Variants in FMN2 observed in about 807,000 individuals in gnomAD.
The protein encoded by FMN2 is formin-2.
Under a neutral mutation model 142.3 loss-of-function variants are expected in FMN2, and 51 were observed. That is an observed-to-expected ratio of 0.36 (90% CI 0.29 to 0.45). FMN2 has a LOEUF of 0.45. Ranked by LOEUF, FMN2 falls within the 20% of genes least tolerant of loss-of-function variation. FMN2 has a pLI of 1.00. For synonymous variants in FMN2, 882 were observed against 869.8 expected, an observed-to-expected ratio of 1.01 and a Z score of -0.25; for missense variants, 1,936 against 2,122.8, an observed-to-expected ratio of 0.91 and a Z score of 1.73.
chr1:240,264,920 A>G (rs1350399335), intron 7 of FMN2, among the ~76,000 whole-genome samples: 2 of 152,078 alleles, frequency 1.3e-5, no homozygotes, highest in Admixed American at 6.6e-5. Context: ...AGAAGAGGGG[A>G]GTTAATTCCC....
chr1:240,238,141 A>G (rs143814139), intron 6 of FMN2, among the ~76,000 whole-genome samples: 2 of 152,296 alleles, frequency 1.3e-5, no homozygotes, highest in East Asian at 3.9e-4. Context: ...GAAAATTCAA[A>G]TTTACTTTTA....
At position 240,437,292 on chromosome 1, in the gene FMN2, CTTTTTTTT is replaced by C. The variant is rs10649766; in HGVS notation, c.4911-757_4911-750del. ...TAGGAGACTTTGTCAGCATCTCTTG[CTTTTTTTT>C]TTTTTTTTTTTGAGACGGAGTCTGG... is the stretch of plus-strand genomic sequence containing the variant. On this transcript the variant is annotated intron_variant, in intron 15 of 17. Coordinates refer to ENST00000319653, the MANE Select transcript of FMN2 (RefSeq NM_020066.5). Among the ~76,000 whole-genome samples, 237 of 117,382 alleles carry C rather than the reference CTTTTTTTT, an allele frequency of 2.0e-3. 1 individual carries two copies. Among genetic ancestry groups the C allele is most frequent in the African/African-American group, 7.8e-3 (227 of 28,996 alleles). 77.0% of individuals were successfully genotyped at this position (117,382 alleles called of 152,430 possible).
At chr1:240,420,029 C>T (rs1256276818) in intron 15 of FMN2, among the ~76,000 whole-genome samples, 1 of 152,104 alleles carries the variant, frequency 6.6e-6, no homozygotes, top group East Asian at 1.9e-4. Context: ...ATTGTGGTAC[C>T]CGGGCTTCTG....
intron 15 of FMN2, among the ~76,000 whole-genome samples, chr1:240,428,446 C>G (rs1262301024): frequency 6.6e-6 from 1 of 151,656 alleles, no homozygotes; most frequent in Non-Finnish European, 1.5e-5. Context: ...AGGCTGGTCT[C>G]AAACTCCTGG....
chr1:240,280,959 A>G (rs1465459190), intron 7 of FMN2, among the ~76,000 whole-genome samples: 1 of 152,210 alleles, frequency 6.6e-6, no homozygotes, highest in Admixed American at 6.5e-5. Flanking sequence ...GTTTGCATTT[A>G]AAGATTTTAT....
chr1:240,225,428 A>G (rs1327951140), intron 6 of FMN2, among the ~76,000 whole-genome samples: 2 of 152,220 alleles, frequency 1.3e-5, no homozygotes. Flanking sequence ...ACCCATAGGT[A>G]GCCAGGCTGA....
intron 2 of FMN2, among the ~76,000 whole-genome samples, chr1:240,127,021 C>A (rs997945766): frequency 6.6e-6 from 1 of 151,642 alleles, no homozygotes; most frequent in Non-Finnish European, 1.5e-5. Flanking sequence ...TGGAGGAGCA[C>A]AGACATGACT....
Position 240,093,200 on chromosome 1 carries a change from A to G in FMN2, c.1091A>G (p.Glu364Gly). ...GATGCGCCCCGGGGCTCTCCGGGGG[A>G]GGAGTGGGCCCCGGAGGTGGGAGAG... ...FEDAPRGSPG[E>G]EWAPEVGEDA... Residue 364 changes from glutamate (E) to glycine (G), a missense_variant, in exon 1 of 18, where the codon GAG (glutamate) becomes GGG (glycine). By Grantham distance (98) the Glu-to-Gly change is moderately conservative. This residue lies in a region of FMN2 where 751 missense variants were observed against 791.8 expected (regional missense o/e 0.95). Coordinates refer to ENST00000319653, the MANE Select transcript of FMN2 (RefSeq NM_020066.5). The G allele has an allele frequency of 1.3e-6, 2 of 1,485,128 alleles. No individual in the cohort carries two copies. Among genetic ancestry groups the G allele is most frequent in the Non-Finnish European group, 1.8e-6 (2 of 1,119,904 alleles). 92.0% of individuals were successfully genotyped at this position (1,485,128 alleles called of 1,614,324 possible). A position where few individuals can be genotyped will look rare whatever the true frequency, so the allele number is the denominator to read the frequency against.
rs765778299 is a variant in FMN2 at position 240,092,129 on chromosome 1, A to G, written c.20A>G (p.Lys7Arg). 9.6e-6 allele frequency: 15 copies of G among 1,556,826 alleles called. No individual in the cohort carries two copies. The highest frequency in any genetic ancestry group is 1.3e-5 in the Non-Finnish European group (15 of 1,150,956). MGNQDGKLKRSAGDALH... is the reference protein window; with the variant it reads MGNQDGRLKRSAGDALH... The stretch of plus-strand genomic sequence containing the variant: ...TGCACCATGGGGAACCAGGATGGGA[A>G]GCTGAAGAGGAGCGCAGGTGATGCT... The change falls in exon 1 of 18, where the codon AAG becomes AGG. Residue 7 changes from lysine to arginine, a missense_variant. Physicochemically the swap from Lys to Arg is conservative, Grantham distance 26 (BLOSUM62 2). Coordinates refer to ENST00000319653, the MANE Select transcript of FMN2 (RefSeq NM_020066.5).
At chr1:240,341,038 A>C (rs1671725305) in intron 13 of FMN2, among the ~76,000 whole-genome samples, 1 of 152,128 alleles carries the variant, frequency 6.6e-6, no homozygotes, top group Non-Finnish European at 1.5e-5. Flanking sequence ...CATGTGTTTA[A>C]AATCACCTTC....
At chr1:240,351,939 G>A (rs987361211) in intron 13 of FMN2, among the ~76,000 whole-genome samples, 13 of 152,290 alleles carry the variant, frequency 8.5e-5, no homozygotes, top group South Asian at 2.1e-4. Flanking sequence ...TGTGTATGAT[G>A]TCATGAATAA....
intron 13 of FMN2, among the ~76,000 whole-genome samples, chr1:240,336,706 A>C (rs1671576300): frequency 6.6e-6 from 1 of 152,174 alleles, no homozygotes; most frequent in African/African-American, 2.4e-5. Context: ...TAGTAACAGA[A>C]GAATGGCATT....
intron 1 of FMN2, among the ~76,000 whole-genome samples, chr1:240,111,920 G>C (rs930394460): frequency 1.3e-5 from 2 of 152,120 alleles, no homozygotes; most frequent in South Asian, 4.1e-4. Context: ...GAGTCCACGT[G>C]TTTTCAGGGG....
chr1:240,130,746 G>C (rs899635202), intron 2 of FMN2, among the ~76,000 whole-genome samples: 2 of 151,920 alleles, frequency 1.3e-5, no homozygotes, highest in African/African-American at 4.8e-5. Flanking sequence ...TTTCTTTTTT[G>C]GGTGAAGAAA....
chr1:240,420,019 A>G (rs1674711262), intron 15 of FMN2, among the ~76,000 whole-genome samples: 1 of 152,108 alleles, frequency 6.6e-6, no homozygotes, highest in Admixed American at 6.5e-5. Context: ...TATTATGGTA[A>G]TTGTGGTACC....
intron 2 of FMN2, among the ~76,000 whole-genome samples, chr1:240,132,722 G>A (rs561228532): frequency 2.0e-5 from 3 of 152,220 alleles, no homozygotes; most frequent in South Asian, 4.1e-4. Flanking sequence ...GAAGTGGAGT[G>A]GGTTACGCTC....
At chr1:240,185,556 G>C (rs1665407754) in intron 3 of FMN2, among the ~76,000 whole-genome samples, 1 of 152,224 alleles carries the variant, frequency 6.6e-6, no homozygotes, top group Non-Finnish European at 1.5e-5. Context: ...ATATTTTGCT[G>C]ATGCATCTTT....
intron 2 of FMN2, among the ~76,000 whole-genome samples, chr1:240,131,717 A>G (rs1044344380): frequency 5.9e-5 from 9 of 152,046 alleles, no homozygotes; most frequent in Non-Finnish European, 2.9e-5. Context: ...TCAAAAAGAA[A>G]AAAAAAAAGT....
chr1:240,144,780 C>T (rs930555976), intron 2 of FMN2: 26 of 1,402,318 alleles, frequency 1.9e-5, no homozygotes, highest in Non-Finnish European at 2.3e-5. Context: ...TGCTCTGCGT[C>T]GTGGACCATG....
Sources: allele counts gnomAD v4.1 joint callset (sites outside exome capture counted in the v4.1 genomes callset), GRCh38; gene constraint gnomAD v4.1.1; regional missense constraint gnomAD v4.1.1; transcripts MANE v1.5; gene names NCBI Gene and HGNC (gene_info 2026-07-23, HGNC 2026-07-21).